The following CNGA2 variants were observed in gnomAD, a reference collection of about 807,000 sequenced individuals.
CNGA2 encodes the protein cyclic nucleotide-gated channel alpha-2.
Under a neutral mutation model 35.9 loss-of-function variants are expected in CNGA2, and 22 were observed. The ratio of observed to expected loss-of-function variants is 0.61; its 90% confidence interval spans 0.44 to 0.88. The LOEUF is 0.88. Among genes scored for constraint, CNGA2 ranks in the 40% least tolerant of loss-of-function variants. The probability of loss-of-function intolerance (pLI) is 0.00; values close to 1 mark genes in which losing one functional copy is unlikely to be tolerated. For missense variants in CNGA2, 555 were observed against 530.8 expected (o/e 1.05, Z -0.45); for synonymous variants, 217 against 209.2 (o/e 1.04, Z -0.32).
chrX:151,739,019 T>A (rs746641099), intron 3 of CNGA2, 140 bp downstream of exon 3: 420 of 496,898 alleles, frequency 8.5e-4, no homozygotes, highest in Non-Finnish European at 8.8e-4. Flanking sequence ...GTAGCCAAAT[T>A]TAATTCCGTC....
intron 4 of CNGA2, among the ~76,000 whole-genome samples, chrX:151,740,238 C>T (rs1032536322): frequency 1.8e-5 from 2 of 112,496 alleles, no homozygotes; most frequent in South Asian, 3.7e-4. Flanking sequence ...TCTGGCCAAG[C>T]TGACATTCCC....
chrX:151,740,595 C>T (rs2015294543), intron 4 of CNGA2, among the ~76,000 whole-genome samples, 199 bp from the exon 5 acceptor site: 1 of 112,201 alleles, frequency 8.9e-6, no homozygotes. Flanking sequence ...GTGCCCCCGC[C>T]CATCTGAGTT....
At chrX:151,737,329 C>G (rs2015257273) in intron 1 of CNGA2, among the ~76,000 whole-genome samples, 1 of 112,366 alleles carries the variant, frequency 8.9e-6, no homozygotes, top group African/African-American at 3.2e-5. Flanking sequence ...CCTGTCCCTC[C>G]TCTAGATTGT....
At chrX:151,741,995 G>A (rs1364726917) in intron 5 of CNGA2, among the ~76,000 whole-genome samples, 1 of 112,489 alleles carries the variant, frequency 8.9e-6, no homozygotes. Flanking sequence ...TCCCTACTCA[G>A]TTGCCAAATC....
rs1340443874 is a variant in CNGA2, at chrX:151,745,261, A to G, written c.*763A>G. ...TGGTGGGGAGACTCTTCAAGTTAAT[A>G]TCTGCATTAGAGGCACCTATGAGTT... On this transcript the variant is annotated 3_prime_UTR_variant, in exon 7 of 7. Transcript: ENST00000329903. The G allele has an allele frequency of 8.9e-6, 1 of 111,966 alleles. No individual in the cohort carries two copies. The highest frequency in any genetic ancestry group is 1.9e-5 in the Non-Finnish European group (1 of 53,197). The allele number at this position is 111,966 out of a possible 1,213,427, so 9.2% of individuals were successfully genotyped here.
Position 151,738,367 on chromosome X carries a change from G to A in CNGA2, c.-26-91G>A, listed in dbSNP as rs867482073. On this transcript the variant is annotated intron_variant, in intron 1 of 6. Transcript: ENST00000329903. ...GCTGAGGTTGGCCAGGTGGGCCTGGGTTCTAATCCATCCTGTTCACTTGCC... is the reference window on the plus strand; with the variant it reads ...GCTGAGGTTGGCCAGGTGGGCCTGGATTCTAATCCATCCTGTTCACTTGCC... The A allele has an allele frequency of 8.0e-5, 50 of 621,623 alleles. No individual in the cohort carries two copies. The Middle Eastern group carries it at 3.3e-3, about 42-fold the overall frequency. 51.2% of individuals were successfully genotyped at this position (621,623 alleles called of 1,213,427 possible). A position where few individuals can be genotyped will look rare whatever the true frequency, so the allele number is the denominator to read the frequency against.
At chrX:151,743,045 T>TATATATATATATATACACACAC (rs2015332462) in intron 6 of CNGA2, 48 bp from the exon 7 acceptor site, 1 of 608,047 alleles carries the variant, frequency 1.6e-6, no homozygotes, top group African/African-American at 2.8e-5. Flanking sequence ...TATATGTATA[T>TATATATATATATATACACACAC]ATATACCCTG....
At position 151,744,055 on chromosome X, in the gene CNGA2, T is replaced by C. The variant is rs770570094; in HGVS notation, c.1552T>C (p.Cys518Arg). The change falls in exon 7 of 7, where the codon TGC becomes CGC. Residue 518 changes from cysteine to arginine, a missense_variant. Transcript: ENST00000329903. ...GTATGCTCTGCTGTCGGCTGGAAGC[T>C]GCTTTGGCGAGATCAGTATCCTTAA... ...TQYALLSAGS[C>R]FGEISILNIK... The C allele has an allele frequency of 1.7e-6, 2 of 1,211,468 alleles. No individual in the cohort carries two copies. The highest frequency in any genetic ancestry group is 2.2e-6 in the Non-Finnish European group (2 of 895,477).
chrX:151,744,575 G>C lies in CNGA2; in HGVS notation c.*77G>C. 1.2e-6 allele frequency: 1 copy of C among 849,307 alleles called. No individual in the cohort carries two copies. Among genetic ancestry groups the C allele is most frequent in the Non-Finnish European group, 1.6e-6 (1 of 607,192 alleles). The allele number at this position is 849,307 out of a possible 1,213,427, so 70.0% of individuals were successfully genotyped here. A position where few individuals can be genotyped will look rare whatever the true frequency, so the allele number is the denominator to read the frequency against. The stretch of plus-strand genomic sequence containing the variant: ...AGCTAGAGGAGCTATTTAGATCTCC[G>C]GATTTACATGCATTACCCTCATGTT... On this transcript the variant is annotated 3_prime_UTR_variant, in exon 7 of 7. Coordinates refer to ENST00000329903, the MANE Select transcript of CNGA2 (RefSeq NM_005140.3).
chrX:151,743,564 T>A lies in CNGA2; in HGVS notation c.1061T>A (p.Ile354Asn). 1 of 1,211,396 alleles carries A rather than the reference T, an allele frequency of 8.3e-7. No homozygotes were observed. Among genetic ancestry groups the A allele is most frequent in the Non-Finnish European group, 1.1e-6 (1 of 895,462 alleles). The stretch of plus-strand genomic sequence containing the variant: ...AAGGATGAGGAGTACCTATTTGTCA[T>A]CTTTGACTTCCTGATTGGCGTCCTC... The part of the protein sequence containing the change: ...PVKDEEYLFV[I>N]FDFLIGVLIF... The change falls in exon 7 of 7, where the codon ATC becomes AAC. Residue 354 changes from isoleucine to asparagine, a missense_variant. Ile to Asn is a moderately radical substitution (Grantham distance 149). Coordinates refer to ENST00000329903, the MANE Select transcript of CNGA2 (RefSeq NM_005140.3).
chrX:151,735,604 G>A (rs5925018), intron 1 of CNGA2, among the ~76,000 whole-genome samples: 44,483 of 110,267 alleles, frequency 0.4, 7,664 homozygotes, highest in South Asian at 0.58. Context: ...TTCCACCCAT[G>A]TTTCATGGGC....
chrX:151,735,225 A>G (rs1366767985), intron 1 of CNGA2, among the ~76,000 whole-genome samples: 1 of 111,971 alleles, frequency 8.9e-6, no homozygotes, highest in East Asian at 2.8e-4. Flanking sequence ...GCCTTACTCT[A>G]GGTTGTTAAA....
At chrX:151,741,037 A>G (rs1384164411) in intron 5 of CNGA2, 136 bp downstream of exon 5, 12 of 486,063 alleles carry the variant, frequency 2.5e-5, no homozygotes, top group Non-Finnish European at 4.3e-5. Context: ...CCCATTTAAT[A>G]TGCCATGAAG....
At chrX:151,742,706 C>T (rs942601194) in intron 6 of CNGA2, 64 bp downstream of exon 6, 25 of 865,439 alleles carry the variant, frequency 2.9e-5, no homozygotes, top group Non-Finnish European at 4.0e-5. Flanking sequence ...AGGAAGCCCA[C>T]TGGACATGGT....
At position 151,743,413 on chromosome X, in the gene CNGA2, G is replaced by T; in HGVS notation, c.910G>T (p.Val304Phe). Residue 304 changes from valine (V) to phenylalanine (F), a missense_variant, in exon 7 of 7, where the codon GTC becomes TTC. By Grantham distance (50) the Val-to-Phe change is conservative (BLOSUM62 -1). Transcript: ENST00000329903. ...CATCTCCAAATCCATAGGCTTTGGG[G>T]TCGACACCTGGGTTTACCCAAACAT... ...YAISKSIGFGVDTWVYPNITD... is the reference protein window; with the variant it reads ...YAISKSIGFGFDTWVYPNITD... 3.3e-6 allele frequency: 4 copies of T among 1,210,353 alleles called. No homozygotes were observed. The highest frequency in any genetic ancestry group is 3.4e-6 in the Non-Finnish European group (3 of 895,257).
chrX:151,738,464 G>T lies in CNGA2; in HGVS notation c.-20G>T. On this transcript the variant is annotated 5_prime_UTR_variant, in exon 2 of 7. Coordinates refer to ENST00000329903, the MANE Select transcript of CNGA2 (RefSeq NM_005140.3). ...TTGGCCCTCTTCCTGGCAGATAAGT[G>T]CTCTGGTTGTACATGGAGGATGACC... 1 of 1,176,340 alleles carries T rather than the reference G, an allele frequency of 8.5e-7. No homozygotes were observed. The highest frequency in any genetic ancestry group is 2.3e-4 in the Middle Eastern group (1 of 4,262).
At chrX:151,740,085 G>T (rs1179181664) in intron 4 of CNGA2, among the ~76,000 whole-genome samples, 1 of 112,280 alleles carries the variant, frequency 8.9e-6, no homozygotes. Context: ...TCTCCACTGT[G>T]GGCAAGGAAG....
intron 1 of CNGA2, among the ~76,000 whole-genome samples, chrX:151,738,158 T>C (rs921792965): frequency 9.0e-6 from 1 of 111,428 alleles, no homozygotes; most frequent in African/African-American, 3.3e-5. Context: ...GCTTTGATAG[T>C]TTGTATGTAA....
Position 151,742,833 on chromosome X carries a change from C to T in CNGA2, c.589+191C>T, listed in dbSNP as rs1281744488. Among the ~76,000 whole-genome samples the T allele has an allele frequency of 4.1e-5, 4 of 97,321 alleles. No individual in the cohort carries two copies. In the Admixed American group the frequency reaches 4.7e-4, roughly 11 times the overall value. 84.5% of individuals were successfully genotyped at this position (97,321 alleles called of 115,157 possible). A position where few individuals can be genotyped will look rare whatever the true frequency, so the allele number is the denominator to read the frequency against. On this transcript the variant is annotated intron_variant, in intron 6 of 6. Transcript: ENST00000329903. Reference sequence around the variant, plus strand: ...GGGTGTTCTCTTAGAGTCCTTCTGGCCAGCCCTGGTATGTGAGCTATATCC... The same window carrying T: ...GGGTGTTCTCTTAGAGTCCTTCTGGTCAGCCCTGGTATGTGAGCTATATCC...
Sources: allele counts gnomAD v4.1 joint callset (sites outside exome capture counted in the v4.1 genomes callset), GRCh38; gene constraint gnomAD v4.1.1; transcripts MANE v1.5; gene names NCBI Gene and HGNC (gene_info 2026-07-23, HGNC 2026-07-21).